KCNK2: variants seen among roughly 807,000 people sequenced by gnomAD.
KCNK2 encodes the protein potassium two pore domain channel subfamily K member 2.
In KCNK2, 21 loss-of-function variants were observed where a neutral mutation model predicts 40.5. The ratio of observed to expected loss-of-function variants is 0.52; its 90% CI spans 0.37 to 0.75. The LOEUF (loss-of-function observed/expected upper bound fraction) is 0.75. Ranked by LOEUF, KCNK2 falls within the 30% of genes least tolerant of loss-of-function variation. The pLI, the probability that KCNK2 is intolerant of heterozygous loss-of-function variation, is 0.00. For missense variants in KCNK2, 399 were observed against 531.6 expected (o/e 0.75, Z 2.45); for synonymous variants, 191 against 202.2 (o/e 0.94, Z 0.47).
intron 3 of KCNK2, among the ~76,000 whole-genome samples, chr1:215,163,427 T>G (rs998554993): frequency 6.6e-6 from 1 of 152,160 alleles, no homozygotes; most frequent in African/African-American, 2.4e-5. Context: ...TCTTGCCTGA[T>G]TGCCCTGGCC....
At chr1:215,083,757 G>C (rs1369950622) in intron 1 of KCNK2, 2 of 438,974 alleles carry the variant, frequency 4.6e-6, no homozygotes, top group Non-Finnish European at 4.2e-6. Flanking sequence ...GGTGACCCCG[G>C]TCACACTTGT....
At chr1:215,170,768 G>T (rs557868721) in intron 4 of KCNK2, among the ~76,000 whole-genome samples, 2 of 151,996 alleles carry the variant, frequency 1.3e-5, no homozygotes, top group South Asian at 2.1e-4. Context: ...AATCAAGAGG[G>T]CAGATTGACG....
At chr1:215,087,362 T>G (rs1659491579) in intron 2 of KCNK2, among the ~76,000 whole-genome samples, 1 of 152,268 alleles carries the variant, frequency 6.6e-6, no homozygotes, top group Non-Finnish European at 1.5e-5. Flanking sequence ...AAAACTAACT[T>G]AGTTCTAATT....
intron 1 of KCNK2, among the ~76,000 whole-genome samples, chr1:215,031,139 A>G (rs1361872727): frequency 6.6e-6 from 1 of 152,082 alleles, no homozygotes; most frequent in Non-Finnish European, 1.5e-5. Context: ...TAATTACTGT[A>G]GCTTTATAGT....
chr1:215,198,030 C>CA (rs1433122467), intron 6 of KCNK2, among the ~76,000 whole-genome samples: 3 of 151,530 alleles, frequency 2.0e-5, no homozygotes, highest in East Asian at 1.9e-4. Context: ...AGCAAACAAA[C>CA]AAAAAAAACA....
At chr1:215,183,253 C>G (rs1664298987) in intron 5 of KCNK2, among the ~76,000 whole-genome samples, 1 of 152,120 alleles carries the variant, frequency 6.6e-6, no homozygotes, top group African/African-American at 2.4e-5. Flanking sequence ...TTTAACTTAT[C>G]TTTGCCCTTT....
intron 1 of KCNK2, among the ~76,000 whole-genome samples, chr1:215,083,823 T>G (rs113215128): frequency 2.2e-4 from 33 of 152,274 alleles, no homozygotes; most frequent in African/African-American, 7.9e-4. Flanking sequence ...CTTCCGCTGC[T>G]ATTCAGTGGT....
intron 3 of KCNK2, among the ~76,000 whole-genome samples, chr1:215,135,724 T>C (rs1318225611): frequency 1.3e-5 from 2 of 151,488 alleles, no homozygotes; most frequent in Non-Finnish European, 2.9e-5. Context: ...CAGTTATTTT[T>C]TATTTTATTT....
At chr1:215,125,055 G>A (rs750211935) in intron 3 of KCNK2, among the ~76,000 whole-genome samples, 3 of 152,224 alleles carry the variant, frequency 2.0e-5, no homozygotes, top group Admixed American at 1.3e-4. Flanking sequence ...TAGGCAATTA[G>A]TTTTTAATTT....
At chr1:215,092,903 C>A (rs1464647653) in intron 2 of KCNK2, among the ~76,000 whole-genome samples, 2 of 152,096 alleles carry the variant, frequency 1.3e-5, no homozygotes, top group Non-Finnish European at 2.9e-5. Context: ...TACCAAGGGA[C>A]AGTGCTGTAT....
intron 5 of KCNK2, among the ~76,000 whole-genome samples, chr1:215,181,608 T>C (rs1664218219): frequency 6.6e-6 from 1 of 152,210 alleles, no homozygotes; most frequent in Non-Finnish European, 1.5e-5. Context: ...GGGGTGTGAC[T>C]GTAGAGAATA....
intron 6 of KCNK2, among the ~76,000 whole-genome samples, chr1:215,233,301 A>G (rs1040850262): frequency 6.6e-6 from 1 of 152,242 alleles, no homozygotes; most frequent in Admixed American, 6.5e-5. Flanking sequence ...AGACAGTATA[A>G]CTAGGAAATA....
intron 2 of KCNK2, among the ~76,000 whole-genome samples, chr1:215,107,955 C>A (rs1157501135): frequency 6.6e-6 from 1 of 152,100 alleles, no homozygotes; most frequent in Non-Finnish European, 1.5e-5. Context: ...CATCAGGAAC[C>A]AGTTTCATGG....
chr1:215,041,480 G>T (rs914956022), intron 1 of KCNK2, among the ~76,000 whole-genome samples: 4 of 152,120 alleles, frequency 2.6e-5, no homozygotes, highest in African/African-American at 4.8e-5. Context: ...TGATAGGAAA[G>T]GCCAACTTAA....
chr1:215,006,516 GTTTA>G (rs748981142), intron 1 of KCNK2, among the ~76,000 whole-genome samples: 132 of 152,190 alleles, frequency 8.7e-4, no homozygotes, highest in Middle Eastern at 3.4e-3. Flanking sequence ...CATTTCCATA[GTTTA>G]TTTAGCAAGT....
intron 6 of KCNK2, among the ~76,000 whole-genome samples, chr1:215,211,114 T>G (rs1474238113): frequency 1.3e-5 from 2 of 152,066 alleles, no homozygotes; most frequent in Non-Finnish European, 2.9e-5. Flanking sequence ...TTTGATGGCT[T>G]CCCTTTTTCC....
chr1:215,128,979 T>C (rs1661555614), intron 3 of KCNK2, among the ~76,000 whole-genome samples: 1 of 152,222 alleles, frequency 6.6e-6, no homozygotes, highest in South Asian at 2.1e-4. Flanking sequence ...TAGCAAATAC[T>C]GACAGTTTGT....
chr1:215,132,559 G>A lies in KCNK2; in HGVS notation c.475+7809G>A, dbSNP rs549268949. ...TTTATGCAAGCTCGTGAAAGTAGAT[G>A]ATTATTTTTCCAAAATATGTACTTT... On this transcript the variant is annotated intron_variant, in intron 3 of 6. Transcript: ENST00000444842. Among the ~76,000 whole-genome samples the A allele has an allele frequency of 2.6e-5, 4 of 152,240 alleles. No homozygotes were observed. In the South Asian group the frequency reaches 8.3e-4, roughly 32 times the overall value.
intron 6 of KCNK2, among the ~76,000 whole-genome samples, chr1:215,210,481 G>T (rs913760159): frequency 6.6e-6 from 1 of 151,992 alleles, no homozygotes; most frequent in Non-Finnish European, 1.5e-5. Flanking sequence ...TGATTTTGCT[G>T]AATAGTGTCT....
Sources: allele counts gnomAD v4.1 joint callset (sites outside exome capture counted in the v4.1 genomes callset), GRCh38; gene constraint gnomAD v4.1.1; transcripts MANE v1.5; gene names NCBI Gene and HGNC (gene_info 2026-07-23, HGNC 2026-07-21).